Variants in CALN1 observed in about 807,000 individuals in gnomAD.
The protein encoded by CALN1 is calneuron 1.
CALN1 carries 17 observed loss-of-function variants against 30.6 expected under a neutral mutation model. The ratio of observed to expected loss-of-function variants is 0.56; its 90% CI spans 0.38 to 0.83. CALN1 has a LOEUF of 0.83. Among genes scored for constraint, CALN1 ranks in the 40% least tolerant of loss-of-function variants. The pLI is 0.00. For missense variants in CALN1, 291 were observed against 354.9 expected (o/e 0.82, Z 1.45); for synonymous variants, 156 against 131.4 (o/e 1.19, Z -1.28).
At chr7:72,022,714 T>C (rs187305521) in intron 5 of CALN1, among the ~76,000 whole-genome samples, 50 of 152,112 alleles carry the variant, frequency 3.3e-4, no homozygotes, top group Non-Finnish European at 6.2e-4. Context: ...AATTGTGAAA[T>C]AGCTAGGTCT....
chr7:71,867,002 AG>A (rs1237264031), intron 5 of CALN1, among the ~76,000 whole-genome samples: 3 of 151,896 alleles, frequency 2.0e-5, no homozygotes, highest in African/African-American at 7.3e-5. Context: ...AAAATTAGCC[AG>A]GGGTGGTGGT....
At chr7:71,926,115 C>T (rs1015943500) in intron 5 of CALN1, among the ~76,000 whole-genome samples, 1 of 152,154 alleles carries the variant, frequency 6.6e-6, no homozygotes, top group African/African-American at 2.4e-5. Context: ...CTGCAGCCCT[C>T]TCAACACAGA....
intron 1 of CALN1, among the ~76,000 whole-genome samples, chr7:72,429,637 C>A (rs559320325): frequency 2.6e-5 from 4 of 151,424 alleles, no homozygotes; most frequent in African/African-American, 9.7e-5. Context: ...TTAAAAGAAA[C>A]AAAAACTTCT....
At chr7:72,299,140 G>A (rs1799074006) in intron 2 of CALN1, among the ~76,000 whole-genome samples, 1 of 152,078 alleles carries the variant, frequency 6.6e-6, no homozygotes, top group Non-Finnish European at 1.5e-5. Context: ...GACAGCATAT[G>A]GGCAACTGAA....
intron 5 of CALN1, among the ~76,000 whole-genome samples, chr7:72,006,896 C>T (rs1014269867): frequency 2.0e-5 from 3 of 152,004 alleles, no homozygotes; most frequent in African/African-American, 7.3e-5. Flanking sequence ...GTCCCCATTT[C>T]CATTCTAGCC....
intron 1 of CALN1, among the ~76,000 whole-genome samples, chr7:72,434,692 T>C (rs1240851770): frequency 6.6e-6 from 1 of 152,184 alleles, no homozygotes; most frequent in Non-Finnish European, 1.5e-5. Context: ...TATAAGACCA[T>C]GGAGGGCTCC....
At chr7:71,961,660 C>T (rs1797253381) in intron 5 of CALN1, among the ~76,000 whole-genome samples, 2 of 152,222 alleles carry the variant, frequency 1.3e-5, no homozygotes, top group African/African-American at 4.8e-5. Context: ...CCTCCCTGCA[C>T]CTCTCTGCCC....
intron 5 of CALN1, among the ~76,000 whole-genome samples, chr7:71,945,242 T>C (rs1282845110): frequency 6.6e-6 from 1 of 152,210 alleles, no homozygotes; most frequent in Non-Finnish European, 1.5e-5. Context: ...GGTGCCATGA[T>C]TCTTGTACAG....
At chr7:72,239,855 A>T (rs944210633) in intron 3 of CALN1, among the ~76,000 whole-genome samples, 3 of 152,164 alleles carry the variant, frequency 2.0e-5, no homozygotes, top group Admixed American at 1.3e-4. Flanking sequence ...AAACCAACAG[A>T]ACCACTGTCA....
chr7:72,195,044 T>C (rs1033455057), intron 3 of CALN1, among the ~76,000 whole-genome samples: 1 of 152,310 alleles, frequency 6.6e-6, no homozygotes, highest in Admixed American at 6.5e-5. Flanking sequence ...TCTCGTCCCA[T>C]CCTCAATCCT....
intron 2 of CALN1, among the ~76,000 whole-genome samples, chr7:72,345,369 G>A (rs549779655): frequency 1.4e-5 from 2 of 143,406 alleles, no homozygotes; most frequent in East Asian, 4.0e-4. Flanking sequence ...AGGAAGGAAG[G>A]AAGGAGAAAG....
intron 3 of CALN1, among the ~76,000 whole-genome samples, chr7:72,170,114 C>A (rs985966696): frequency 6.6e-6 from 1 of 152,164 alleles, no homozygotes; most frequent in Non-Finnish European, 1.5e-5. Context: ...TCCTCCCTCC[C>A]AAGTAACTAG....
At chr7:71,791,186 T>C (rs1489761701) in intron 6 of CALN1, among the ~76,000 whole-genome samples, 1 of 152,228 alleles carries the variant, frequency 6.6e-6, no homozygotes, top group Non-Finnish European at 1.5e-5. Context: ...ATCTTTTTTA[T>C]GGCTGTGTAG....
intron 6 of CALN1, among the ~76,000 whole-genome samples, chr7:71,794,380 T>C (rs1786759871): frequency 6.6e-6 from 1 of 152,240 alleles, no homozygotes; most frequent in Admixed American, 6.5e-5. Flanking sequence ...TGCATTGTAC[T>C]ATATTTTTGC....
chr7:72,115,188 A>C lies in CALN1; in HGVS notation c.245-8894T>G, dbSNP rs183842952. On this transcript the variant is annotated intron_variant, in intron 3 of 6. Coordinates refer to ENST00000395275, the MANE Select transcript of CALN1 (RefSeq NM_031468.4). ...ATATACTGTATAGTATATATTATAC[A>C]ATTATATATATTAATGTATAATATA... Among the ~76,000 whole-genome samples, 750 of 147,264 alleles carry C rather than the reference A, an allele frequency of 5.1e-3. 6 individuals are homozygous for C. The highest frequency in any genetic ancestry group is 0.017 in the African/African-American group (696 of 40,240).
chr7:72,475,391 G>A, the CALN1 span, among the ~76,000 whole-genome samples: 2 of 152,056 alleles, frequency 1.3e-5, no homozygotes, highest in African/African-American at 2.4e-5. Flanking sequence ...GGAGGTGGAC[G>A]GAGGTTGCAG....
intron 3 of CALN1, among the ~76,000 whole-genome samples, chr7:72,193,294 G>C (rs938249153): frequency 6.6e-6 from 1 of 152,158 alleles, no homozygotes; most frequent in African/African-American, 2.4e-5. Flanking sequence ...AAGCCTGGGA[G>C]ATCGAGCCTG....
At position 71,816,825 on chromosome 7, in the gene CALN1, C is replaced by T. The variant is rs183604826; in HGVS notation, c.502-6333G>A. On this transcript the variant is annotated intron_variant, in intron 5 of 6. Transcript: ENST00000395275. ...TCTACTAAAAATACAAAAATTAGCC[C>T]GGCGTGGTGACGCATTCCTGTAATC... Among the ~76,000 whole-genome samples the T allele has an allele frequency of 5.3e-5, 8 of 151,918 alleles. No individual in the cohort carries two copies. In the South Asian group the frequency reaches 8.3e-4, roughly 16 times the overall value.
chr7:72,301,183 C>T (rs988843960), intron 2 of CALN1, among the ~76,000 whole-genome samples: 1 of 152,130 alleles, frequency 6.6e-6, no homozygotes, highest in Non-Finnish European at 1.5e-5. Context: ...GCGCTGAGAG[C>T]ACACAGAGTA....
Sources: allele counts gnomAD v4.1 joint callset (sites outside exome capture counted in the v4.1 genomes callset), GRCh38; gene constraint gnomAD v4.1.1; transcripts MANE v1.5; gene names NCBI Gene and HGNC (gene_info 2026-07-23, HGNC 2026-07-21).